Variants in CDKN2B-AS1 observed in about 807,000 individuals in gnomAD.
CDKN2B-AS1 encodes CDKN2B and CDKN2A antisense cis and trans regulatory RNA 1, also known as CDKN2B antisense RNA 1 (non-protein coding).
intron 4 of CDKN2B-AS1, among the ~76,000 whole-genome samples, chr9:22,070,423 A>G (rs1016674628): frequency 6.6e-6 from 1 of 152,366 alleles, no homozygotes; most frequent in Admixed American, 6.5e-5. Flanking sequence ...CAATGAATAT[A>G]AAGTGACACA....
At chr9:22,110,293 G>A (rs1003218023) in intron 4 of CDKN2B-AS1, among the ~76,000 whole-genome samples, 3 of 152,046 alleles carry the variant, frequency 2.0e-5, no homozygotes, top group Non-Finnish European at 4.4e-5. Flanking sequence ...TATTTAACCA[G>A]GTAGAATTCT....
At chr9:22,061,486 G>C (rs1400441286) in intron 4 of CDKN2B-AS1, among the ~76,000 whole-genome samples, 7 of 152,102 alleles carry the variant, frequency 4.6e-5, no homozygotes, top group Non-Finnish European at 7.4e-5. Flanking sequence ...GGGCCTATTA[G>C]CTACAAACAT....
At chr9:22,122,954 G>A (rs1826131564) in intron 4 of CDKN2B-AS1, among the ~76,000 whole-genome samples, 1 of 151,932 alleles carries the variant, frequency 6.6e-6, no homozygotes, top group Non-Finnish European at 1.5e-5. Context: ...TATTTTGATA[G>A]GGATTGCATT....
intron 3 of CDKN2B-AS1, among the ~76,000 whole-genome samples, chr9:22,050,754 G>C (rs1823313436): frequency 6.6e-6 from 1 of 152,094 alleles, no homozygotes; most frequent in South Asian, 2.1e-4. Flanking sequence ...CACTGTCTAG[G>C]GAAGCTCCTT....
rs967359409 is a variant in CDKN2B-AS1, at chr9:21,996,198, C to T, written n.29+1037C>T. Among the ~76,000 whole-genome samples the T allele has an allele frequency of 1.3e-5, 2 of 152,342 alleles. No individual in the cohort carries two copies. The highest frequency in any genetic ancestry group is 4.2e-4 in the South Asian group (2 of 4,818). Reference sequence around the variant, plus strand: ...ACTTCTCTTTCCCCATCCCCCGCCCCATCACTTGACGTTGCTGCCGGACCT... The same window carrying T: ...ACTTCTCTTTCCCCATCCCCCGCCCTATCACTTGACGTTGCTGCCGGACCT... On this transcript the variant is annotated intron_variant and non_coding_transcript_variant, in intron 1 of 4. Coordinates refer to ENST00000650946, the Ensembl canonical transcript of CDKN2B-AS1. This position sits in a 1 kb window ranked among gnomAD's most constrained non-coding sequence, Gnocchi z 5.4.
intron 1 of CDKN2B-AS1, chr9:22,012,398 C>T (rs1163616946): frequency 1.2e-6 from 1 of 813,448 alleles, no homozygotes; most frequent in Non-Finnish European, 2.2e-6. Context: ...TGAGCCTTCA[C>T]TCTTCCAGCT....
In CDKN2B-AS1 at chr9:22,005,838, G is replaced by A. The variant is rs1277849186; in HGVS notation, n.29+10677G>A. The A allele has an allele frequency of 2.0e-6, 2 of 1,000,270 alleles. No homozygotes were observed. Among genetic ancestry groups the A allele is most frequent in the Non-Finnish European group, 3.0e-6 (2 of 671,636 alleles). The allele number at this position is 1,000,270 out of a possible 1,614,324, so 62.0% of individuals were successfully genotyped here. ...AATGTATGGAAGGTTATTCCCGGTC[G>A]GCTCCTCCTTCCTGTGAGTCTCAGA... is the stretch of plus-strand genomic sequence containing the variant. On this transcript the variant is annotated intron_variant and non_coding_transcript_variant, in intron 1 of 4. Coordinates refer to ENST00000650946, the Ensembl canonical transcript of CDKN2B-AS1. The surrounding 1 kb of genome is among the most constrained non-coding windows in gnomAD (Gnocchi z 4.9).
At chr9:22,047,303 C>T (rs1015747571) in intron 2 of CDKN2B-AS1, among the ~76,000 whole-genome samples, 3 of 152,078 alleles carry the variant, frequency 2.0e-5, no homozygotes, top group Non-Finnish European at 4.4e-5. Flanking sequence ...TATTTGCATC[C>T]ATTTATATGC....
chr9:22,005,119 T>TGG lies in CDKN2B-AS1; in HGVS notation n.29+9959_29+9960insGG, dbSNP rs1821101622. On this transcript the variant is annotated intron_variant and non_coding_transcript_variant, in intron 1 of 4. Transcript: ENST00000650946. This position sits in a 1 kb window ranked among gnomAD's most constrained non-coding sequence, Gnocchi z 4.9. ...GGATTTCCGCATCCTAGCATGTGTGTGTGTGTGTGTGTGTGTGTGTGTGAA... is the reference window on the plus strand; with the variant it reads ...GGATTTCCGCATCCTAGCATGTGTGTGGGTGTGTGTGTGTGTGTGTGTGTGAA... 1 of 229,086 alleles carries TGG rather than the reference T, an allele frequency of 4.4e-6. No homozygotes were observed. The allele number at this position is 229,086 out of a possible 1,614,324, so 14.2% of individuals were successfully genotyped here.
At chr9:22,069,107 A>T (rs1046351033) in intron 4 of CDKN2B-AS1, among the ~76,000 whole-genome samples, 2 of 152,078 alleles carry the variant, frequency 1.3e-5, no homozygotes, top group Non-Finnish European at 2.9e-5. Flanking sequence ...CTTTTACATT[A>T]TTACTTTTCC....
chr9:22,070,307 AT>A (rs1824237896), intron 4 of CDKN2B-AS1, among the ~76,000 whole-genome samples: 1 of 152,178 alleles, frequency 6.6e-6, no homozygotes, highest in South Asian at 2.1e-4. Context: ...CAGACACTGT[AT>A]TTGGTCCTGG....
intron 1 of CDKN2B-AS1, among the ~76,000 whole-genome samples, chr9:22,013,323 A>T (rs1216437689): frequency 2.6e-5 from 4 of 152,358 alleles, no homozygotes; most frequent in Non-Finnish European, 2.9e-5. Context: ...CTTAATTTTT[A>T]CACATTTTAC....
At chr9:22,028,440 A>G (rs544555101) in intron 1 of CDKN2B-AS1, among the ~76,000 whole-genome samples, 1 of 152,160 alleles carries the variant, frequency 6.6e-6, no homozygotes, top group Non-Finnish European at 1.5e-5. Context: ...TCAGTAGCTA[A>G]TACTAGCTAG....
At chr9:22,018,224 T>G (rs1821861717) in intron 1 of CDKN2B-AS1, among the ~76,000 whole-genome samples, 1 of 151,480 alleles carries the variant, frequency 6.6e-6, no homozygotes. Flanking sequence ...CCAGGGAGGC[T>G]GAGGCAGGAG....
chr9:22,067,691 T>C (rs1181640275), intron 4 of CDKN2B-AS1, among the ~76,000 whole-genome samples: 1 of 152,156 alleles, frequency 6.6e-6, no homozygotes, highest in African/African-American at 2.4e-5. Flanking sequence ...ATAGCAGGGG[T>C]TTCATAAATG....
intron 1 of CDKN2B-AS1, among the ~76,000 whole-genome samples, chr9:22,019,599 C>T (rs1443054090): frequency 6.6e-6 from 1 of 152,076 alleles, no homozygotes; most frequent in East Asian, 1.9e-4. Context: ...CAAAACTGAA[C>T]TTGAGACATG....
rs181967268 is a variant in CDKN2B-AS1 at position 22,029,298 on chromosome 9, G to A, written n.30-17453G>A. ...CTTTGAGAGAGAGAAAGCTATTACC[G>A]TCTTTATCAAATAGGAGAGCCTGAT... On this transcript the variant is annotated intron_variant and non_coding_transcript_variant, in intron 1 of 4. Coordinates refer to ENST00000650946, the Ensembl canonical transcript of CDKN2B-AS1. 663 of 641,140 alleles carry A rather than the reference G, an allele frequency of 1.0e-3. 10 individuals carry two copies. The South Asian group carries it at 0.011, about 11-fold the overall frequency. 39.7% of individuals were successfully genotyped at this position (641,140 alleles called of 1,614,324 possible).
chr9:22,050,530 A>G (rs1324091293), intron 3 of CDKN2B-AS1, among the ~76,000 whole-genome samples: 1 of 152,238 alleles, frequency 6.6e-6, no homozygotes, highest in Non-Finnish European at 1.5e-5. Context: ...GTTAATTGAC[A>G]ACAGGAATTG....
At chr9:21,998,079 A>C (rs1238727300) in intron 1 of CDKN2B-AS1, among the ~76,000 whole-genome samples, 1 of 152,250 alleles carries the variant, frequency 6.6e-6, no homozygotes, top group Non-Finnish European at 1.5e-5. Context: ...TGTAAATATT[A>C]AAGTTTGAAC....
Sources: gnomAD v4.1 joint callset for allele counts (sites outside exome capture counted in the v4.1 genomes callset) on GRCh38, gnomAD v4.1.1 for gene constraint, Gnocchi (gnomAD v3.1) non-coding constraint, MANE v1.5 for transcripts, NCBI Gene and HGNC (gene_info 2026-07-23, HGNC 2026-07-21) for gene names.